The following STK39 variants were observed in gnomAD, a reference collection of about 807,000 sequenced individuals.
The protein encoded by STK39 is STE20/SPS1-related proline-alanine-rich protein kinase.
A neutral mutation model predicts 77.8 loss-of-function variants in STK39; 20 were observed. That is an observed-to-expected ratio of 0.26 (90% CI 0.18 to 0.37). STK39 has a LOEUF of 0.37. STK39 is among the 10% of genes least tolerant of loss of function. STK39 has a pLI of 1.00. For missense variants in STK39, 479 were observed against 656.5 expected (o/e 0.73, Z 2.95); for synonymous variants, 246 against 234.1 (o/e 1.05, Z -0.47).
intron 15 of STK39, among the ~76,000 whole-genome samples, chr2:168,013,863 T>C (rs993221231): frequency 2.6e-5 from 4 of 151,970 alleles, no homozygotes; most frequent in Non-Finnish European, 5.9e-5. Flanking sequence ...CATATACATG[T>C]GAGTGTGCAG....
intron 1 of STK39, among the ~76,000 whole-genome samples, chr2:168,241,264 T>C (rs1473924499): frequency 2.0e-5 from 3 of 152,224 alleles, no homozygotes; most frequent in African/African-American, 7.2e-5. Context: ...TGAAGGCCTC[T>C]GTCCTCGCAC....
intron 16 of STK39, among the ~76,000 whole-genome samples, chr2:167,982,759 C>A (rs1683453503): frequency 6.6e-6 from 1 of 152,136 alleles, no homozygotes; most frequent in Non-Finnish European, 1.5e-5. Context: ...ATAGGGAGCA[C>A]TTTTTCAGAA....
At chr2:168,078,411 G>A (rs1170600929) in intron 10 of STK39, among the ~76,000 whole-genome samples, 2 of 152,154 alleles carry the variant, frequency 1.3e-5, no homozygotes, top group Non-Finnish European at 2.9e-5. Flanking sequence ...CCACAGAGAG[G>A]AGATGGCAGC....
intron 1 of STK39, among the ~76,000 whole-genome samples, chr2:168,209,572 C>T (rs750134469): frequency 2.6e-5 from 4 of 152,078 alleles, no homozygotes; most frequent in South Asian, 2.1e-4. Context: ...GCTACTTACT[C>T]GGTTGGCTGG....
At chr2:168,137,779 C>T (rs1369879652) in intron 8 of STK39, among the ~76,000 whole-genome samples, 1 of 152,220 alleles carries the variant, frequency 6.6e-6, no homozygotes, top group African/African-American at 2.4e-5. Context: ...CTGAATGCAG[C>T]ACTGCCAATT....
At chr2:168,147,118 TGAGTAAAGATCAAG>T (rs1688159260) in intron 5 of STK39, among the ~76,000 whole-genome samples, 1 of 152,226 alleles carries the variant, frequency 6.6e-6, no homozygotes, top group Admixed American at 6.5e-5. Flanking sequence ...AGCTCTTCTC[TGAGTAAAGATCAAG>T]TTGTGATTAC....
chr2:167,968,025 G>A lies in STK39; in HGVS notation c.1499-3299C>T, dbSNP rs571166823. On this transcript the variant is annotated intron_variant, in intron 16 of 17. Transcript: ENST00000355999. ...TGTACTCAATGTTTAGCTCTCACAA[G>A]TGAGAACATGCGGTATTTGGTTTTC... Among the ~76,000 whole-genome samples the A allele has an allele frequency of 5.3e-4, 81 of 151,680 alleles. 1 individual carries two copies. The highest frequency in any genetic ancestry group is 1.9e-3 in the African/African-American group (77 of 41,316).
chr2:168,091,178 ACACAC>A (rs1453807381), intron 10 of STK39, among the ~76,000 whole-genome samples: 5 of 151,918 alleles, frequency 3.3e-5, no homozygotes, highest in Non-Finnish European at 7.4e-5. Flanking sequence ...ACACACACAC[ACACAC>A]ATGATACAGC....
chr2:167,995,584 G>T (rs1683817252), intron 16 of STK39, among the ~76,000 whole-genome samples: 1 of 152,102 alleles, frequency 6.6e-6, no homozygotes, highest in South Asian at 2.1e-4. Context: ...CCATCAGAAG[G>T]ATACAGAAAG....
chr2:168,119,954 T>C (rs543136941), intron 10 of STK39, among the ~76,000 whole-genome samples: 7 of 152,300 alleles, frequency 4.6e-5, no homozygotes, highest in African/African-American at 1.7e-4. Flanking sequence ...GATGATGCAG[T>C]TGGCCTTGGT....
intron 1 of STK39, among the ~76,000 whole-genome samples, chr2:168,229,595 T>C (rs1237904739): frequency 6.6e-6 from 1 of 152,202 alleles, no homozygotes; most frequent in African/African-American, 2.4e-5. Flanking sequence ...GAATAAAATA[T>C]TGCTGGATTG....
intron 16 of STK39, among the ~76,000 whole-genome samples, chr2:167,979,415 A>T (rs1378044391): frequency 6.6e-6 from 1 of 152,150 alleles, no homozygotes; most frequent in Non-Finnish European, 1.5e-5. Context: ...TTTACTTTGC[A>T]TTTCTCTAAT....
chr2:168,046,199 T>C (rs10930305), intron 14 of STK39, among the ~76,000 whole-genome samples: 78,342 of 151,746 alleles, frequency 0.52, 20,895 homozygotes, highest in Admixed American at 0.57. Flanking sequence ...AACCCCGCCT[T>C]TACTAAAATA....
intron 1 of STK39, among the ~76,000 whole-genome samples, chr2:168,221,325 AT>A (rs1349704556): frequency 1.3e-5 from 2 of 152,214 alleles, no homozygotes; most frequent in Admixed American, 1.3e-4. Flanking sequence ...AAGCTAGAAC[AT>A]TATGTTAATA....
intron 10 of STK39, among the ~76,000 whole-genome samples, chr2:168,087,483 C>A (rs1178862420): frequency 2.0e-5 from 3 of 152,132 alleles, no homozygotes; most frequent in Admixed American, 6.5e-5. Context: ...TCTGGGTGGG[C>A]CTGATTCAAT....
chr2:168,186,142 T>C (rs935568467), intron 1 of STK39, among the ~76,000 whole-genome samples: 4 of 152,146 alleles, frequency 2.6e-5, no homozygotes, highest in African/African-American at 9.7e-5. Context: ...ATAGGATTAG[T>C]ATCCTTACAA....
chr2:167,985,939 C>T (rs1248737188), intron 16 of STK39, among the ~76,000 whole-genome samples: 1 of 152,154 alleles, frequency 6.6e-6, no homozygotes, highest in East Asian at 1.9e-4. Flanking sequence ...TTAAACAAAA[C>T]ACGGTATTTT....
intron 15 of STK39, among the ~76,000 whole-genome samples, chr2:168,013,793 GGTGTGT>G (rs4000936): frequency 0.026 from 3,858 of 147,714 alleles, 53 homozygotes; most frequent in African/African-American, 0.046. Context: ...TAAGTGGGCT[GGTGTGT>G]GTGTGTGTGT....
chr2:168,073,690 A>C (rs535845663), intron 12 of STK39, among the ~76,000 whole-genome samples: 1 of 152,226 alleles, frequency 6.6e-6, no homozygotes, highest in Non-Finnish European at 1.5e-5. Context: ...GTGCAGTGGC[A>C]CAATCTCAGC....
Sources: gnomAD v4.1 joint callset for allele counts (sites outside exome capture counted in the v4.1 genomes callset) on GRCh38, gnomAD v4.1.1 for gene constraint, MANE v1.5 for transcripts, NCBI Gene and HGNC (gene_info 2026-07-23, HGNC 2026-07-21) for gene names.